The following ATP6V0B variants were observed in gnomAD, a reference collection of about 807,000 sequenced individuals.
ATP6V0B encodes the protein ATPase H+ transporting V0 subunit b.
Under a neutral mutation model 26.2 loss-of-function variants are expected in ATP6V0B, and 4 were observed. The ratio of observed to expected loss-of-function variants is 0.15; its 90% CI spans 0.08 to 0.35. The LOEUF (loss-of-function observed/expected upper bound fraction) is 0.35. ATP6V0B is among the 10% of genes least tolerant of loss of function. ATP6V0B has a pLI of 1.00. For synonymous variants in ATP6V0B, 110 were observed against 105.8 expected (o/e 1.04, Z -0.24); for missense variants, 175 against 272.5 (o/e 0.64, Z 2.52).
At chr1:43,975,749 TTC>T in intron 1 of ATP6V0B, 49 bp from the exon 2 acceptor site, 1 of 1,585,884 alleles carries the variant, frequency 6.3e-7, no homozygotes, top group Non-Finnish European at 8.6e-7. Context: ...GTTGAAGAAC[TTC>T]TCTCTACCGA....
chr1:43,975,217 C>T (rs2085503899), intron 1 of ATP6V0B, 110 bp downstream of exon 1: 5 of 1,283,894 alleles, frequency 3.9e-6, no homozygotes, highest in South Asian at 1.4e-5. Context: ...GCGCTCTGCA[C>T]CCGAGGCTCT....
chr1:43,976,757 TTTC>T lies in ATP6V0B; in HGVS notation c.349-9_349-7del, dbSNP rs1275427722. 7 of 1,614,172 alleles carry T rather than the reference TTTC, an allele frequency of 4.3e-6. No homozygotes were observed. Among genetic ancestry groups the T allele is most frequent in the South Asian group, 3.3e-5 (3 of 91,048 alleles). Reference sequence around the variant, plus strand: ...TGCATCAGGATGGTTTCTGATTACTTTTCTTCTTCCCTCAGCCTTTCAGTGCCA... The same window carrying T: ...TGCATCAGGATGGTTTCTGATTACTTTTCTTCCCTCAGCCTTTCAGTGCCA... On this transcript the variant is annotated splice_polypyrimidine_tract_variant and intron_variant, in intron 5 of 7. Transcript: ENST00000472174. This position sits in a 1 kb window ranked among gnomAD's most constrained non-coding sequence, Gnocchi z 4.6.
intron 7 of ATP6V0B, 195 bp from the exon 8 acceptor site, chr1:43,977,786 C>T (rs1183958712): frequency 9.3e-6 from 14 of 1,505,086 alleles, no homozygotes; most frequent in South Asian, 1.3e-5. Flanking sequence ...CACTTCTCTC[C>T]GTCTGTCCCA....
chr1:43,977,750 C>T (rs41270397), intron 7 of ATP6V0B: 62,827 of 1,449,658 alleles, frequency 0.043, 1,512 homozygotes, highest in Non-Finnish European at 0.05. Context: ...TGAGTTGATT[C>T]TTAGTGACTA....
Position 43,978,154 on chromosome 1 carries a change from A to C in ATP6V0B, c.*147A>C. 1 of 1,205,146 alleles carries C rather than the reference A, an allele frequency of 8.3e-7. No individual in the cohort carries two copies. Among genetic ancestry groups the C allele is most frequent in the Non-Finnish European group, 1.2e-6 (1 of 824,554 alleles). The allele number at this position is 1,205,146 out of a possible 1,614,324, so 74.7% of individuals were successfully genotyped here. A position where few individuals can be genotyped will look rare whatever the true frequency, so the allele number is the denominator to read the frequency against. On this transcript the variant is annotated 3_prime_UTR_variant, in exon 8 of 8. Transcript: ENST00000472174. The stretch of plus-strand genomic sequence containing the variant: ...TCTTGCTGCGTGTTGATTTGGAGGC[A>C]CTGCAGTCCAGGCCGAGTCCTCAGT...
Position 43,978,039 on chromosome 1 carries a change from T to A in ATP6V0B, c.*32T>A. The A allele has an allele frequency of 6.2e-7, 1 of 1,614,142 alleles. No individual in the cohort carries two copies. Among genetic ancestry groups the A allele is most frequent in the African/African-American group, 1.3e-5 (1 of 75,054 alleles). On this transcript the variant is annotated 3_prime_UTR_variant, in exon 8 of 8. Coordinates refer to ENST00000472174, the MANE Select transcript of ATP6V0B (RefSeq NM_004047.5). ...TGTGTGGGTGGGGCCGTGCCTCACT[T>A]TTATTTATTGCTGGTTTTCCTGGGA...
At position 43,974,966 on chromosome 1, in the gene ATP6V0B, C is replaced by T; in HGVS notation, c.-75C>T. 3 of 1,143,836 alleles carry T rather than the reference C, an allele frequency of 2.6e-6. No homozygotes were observed. Among genetic ancestry groups the T allele is most frequent in the South Asian group, 3.2e-5 (1 of 30,984 alleles). The allele number at this position is 1,143,836 out of a possible 1,614,324, so 70.9% of individuals were successfully genotyped here. A position where few individuals can be genotyped will look rare whatever the true frequency, so the allele number is the denominator to read the frequency against. ...CGCTGCGGGGCGGGCGGACAGACTG[C>T]GGGACGGACGGTGGACGCTGGGACG... On this transcript the variant is annotated 5_prime_UTR_variant, in exon 1 of 8. Transcript: ENST00000472174.
chr1:43,975,040 C>T lies in ATP6V0B; in HGVS notation c.-1C>T. 2.4e-6 allele frequency: 3 copies of T among 1,271,904 alleles called. No individual in the cohort carries two copies. Among genetic ancestry groups the T allele is most frequent in the South Asian group, 2.7e-5 (1 of 36,622 alleles). 78.8% of individuals were successfully genotyped at this position (1,271,904 alleles called of 1,614,324 possible). A position where few individuals can be genotyped will look rare whatever the true frequency, so the allele number is the denominator to read the frequency against. On this transcript the variant is annotated 5_prime_UTR_variant, in exon 1 of 8. Coordinates refer to ENST00000472174, the MANE Select transcript of ATP6V0B (RefSeq NM_004047.5). The stretch of plus-strand genomic sequence containing the variant: ...TTCCGACCCCCGCCGCCGTCGCCGC[C>T]ATGACGGGGCTAGCACTGCTCTACT...
intron 1 of ATP6V0B, 125 bp from the exon 2 acceptor site, chr1:43,975,675 A>T (rs1381592285): frequency 1.9e-6 from 2 of 1,041,084 alleles, no homozygotes; most frequent in Non-Finnish European, 3.0e-6. Flanking sequence ...CTGTACTGTC[A>T]CCTGGGGGCA....
In ATP6V0B at chr1:43,975,046, G is replaced by C; in HGVS notation, c.6G>C (p.Thr2=). Residue 2 remains threonine (T), a synonymous_variant, in exon 1 of 8, where the codon ACG becomes ACC. Coordinates refer to ENST00000472174, the MANE Select transcript of ATP6V0B (RefSeq NM_004047.5). ...CCCCCGCCGCCGTCGCCGCCATGAC[G>C]GGGCTAGCACTGCTCTACTCCGGGG... M[T]GLALLYSGVF... is the part of the protein sequence containing the mutation. 3 of 1,271,022 alleles carry C rather than the reference G, an allele frequency of 2.4e-6. No homozygotes were observed. Among genetic ancestry groups the C allele is most frequent in the Non-Finnish European group, 2.0e-6 (2 of 1,003,720 alleles). The allele number at this position is 1,271,022 out of a possible 1,614,324, so 78.7% of individuals were successfully genotyped here.
rs576640886 is a variant in ATP6V0B at position 43,975,451 on chromosome 1, G to C, written c.67+344G>C. The C allele has an allele frequency of 6.5e-4, 356 of 547,026 alleles. 1 individual carries two copies. The African/African-American group carries it at 6.5e-3, about 10-fold the overall frequency. 33.9% of individuals were successfully genotyped at this position (547,026 alleles called of 1,614,324 possible). A position where few individuals can be genotyped will look rare whatever the true frequency, so the allele number is the denominator to read the frequency against. On this transcript the variant is annotated intron_variant, in intron 1 of 7. Coordinates refer to ENST00000472174, the MANE Select transcript of ATP6V0B (RefSeq NM_004047.5). ...GGCTGCTCCGGTTCCTCTTTTCCCA[G>C]TCGCTTTGCCCTCCCCCACCCACAG...
At chr1:43,975,134 G>A (rs1468169055) in intron 1 of ATP6V0B, 27 bp downstream of exon 1, 54 of 1,412,190 alleles carry the variant, frequency 3.8e-5, no homozygotes, top group Non-Finnish European at 4.6e-5. Context: ...GCGGGCGGGA[G>A]CAGCATCGCG....
rs770267854 is a variant in ATP6V0B, at chr1:43,976,197, G to T, written c.200+24G>T. ...TGGTGAGTATTGGGGTGGTGGGACT[G>T]GGGGCAGGGGCTGAGTCATGGCAGG... On this transcript the variant is annotated intron_variant, in intron 3 of 7. Coordinates refer to ENST00000472174, the MANE Select transcript of ATP6V0B (RefSeq NM_004047.5). The surrounding 1 kb of genome is among the most constrained non-coding windows in gnomAD (Gnocchi z 4.6). 4.3e-5 allele frequency: 70 copies of T among 1,611,500 alleles called. No individual in the cohort carries two copies. Among genetic ancestry groups the T allele is most frequent in the Non-Finnish European group, 5.9e-5 (69 of 1,177,896 alleles).
chr1:43,975,190 G>T lies in ATP6V0B; in HGVS notation c.67+83G>T, dbSNP rs992337297. The T allele has an allele frequency of 5.1e-6, 7 of 1,367,364 alleles. No individual in the cohort carries two copies. In the Admixed American group the frequency reaches 2.1e-4, roughly 40 times the overall value. The allele number at this position is 1,367,364 out of a possible 1,614,324, so 84.7% of individuals were successfully genotyped here. A position where few individuals can be genotyped will look rare whatever the true frequency, so the allele number is the denominator to read the frequency against. ...ACTCGGCGGGGAAGTGGCCTGCGGG[G>T]AATACTGGCCCCCCGCGCGCTCTGC... On this transcript the variant is annotated intron_variant, in intron 1 of 7. Coordinates refer to ENST00000472174, the MANE Select transcript of ATP6V0B (RefSeq NM_004047.5).
chr1:43,977,720 T>C, intron 7 of ATP6V0B: 1 of 1,437,596 alleles, frequency 7.0e-7, no homozygotes, highest in Non-Finnish European at 9.1e-7. Context: ...AGGGTCTGAG[T>C]GTGACTGTGG....
intron 1 of ATP6V0B, chr1:43,975,364 C>T (rs1366664721): frequency 1.7e-6 from 1 of 572,640 alleles, no homozygotes; most frequent in Non-Finnish European, 3.1e-6. Flanking sequence ...TCTCCCCTCG[C>T]TCCCACGTCT....
In ATP6V0B at chr1:43,976,886, C is replaced by A; in HGVS notation, c.400+62C>A. On this transcript the variant is annotated intron_variant, in intron 6 of 7. Transcript: ENST00000472174. The surrounding 1 kb of genome is among the most constrained non-coding windows in gnomAD (Gnocchi z 4.6). ...CTTCATGCCTGCTTCCACTCTCCCC[C>A]ATCCCAGCTTGGGCCATCATTTTGA... is the stretch of plus-strand genomic sequence containing the variant. 6.2e-7 allele frequency: 1 copy of A among 1,606,752 alleles called. No homozygotes were observed.
intron 1 of ATP6V0B, chr1:43,975,562 T>TG (rs1212328707): frequency 1.7e-6 from 1 of 587,328 alleles, no homozygotes; most frequent in Non-Finnish European, 3.0e-6. Flanking sequence ...GATTCGGGCT[T>TG]GCGGGTGGCG....
chr1:43,977,674 T>G, intron 7 of ATP6V0B: 1 of 1,427,368 alleles, frequency 7.0e-7, no homozygotes, highest in South Asian at 1.5e-5. Context: ...CTAGTCTGTC[T>G]GACAGTGTGT....
Sources: allele counts gnomAD v4.1 joint callset, GRCh38; gene constraint gnomAD v4.1.1; non-coding constraint Gnocchi (gnomAD v3.1); transcripts MANE v1.5; gene names NCBI Gene and HGNC (gene_info 2026-07-23, HGNC 2026-07-21).